IQCH: variants seen among roughly 807,000 people sequenced by gnomAD.
The protein encoded by IQCH is IQ motif containing H, also known as IQ domain-containing protein H.
Under a neutral mutation model 117.0 loss-of-function variants are expected in IQCH, and 98 were observed. That is an observed-to-expected ratio of 0.84 (90% CI 0.71 to 0.99). The LOEUF (loss-of-function observed/expected upper bound fraction) is 0.99. IQCH is among the 50% of genes least tolerant of loss of function. IQCH has a pLI of 0.00. For missense variants in IQCH, 1,102 were observed against 1,243.8 expected (o/e 0.89, Z 1.72); for synonymous variants, 412 against 448.2 (o/e 0.92, Z 1.02).
At chr15:67,440,099 A>G (rs929351433) in intron 16 of IQCH, among the ~76,000 whole-genome samples, 8 of 152,268 alleles carry the variant, frequency 5.3e-5, no homozygotes, top group Middle Eastern at 3.4e-3. Flanking sequence ...ACCTTTACAC[A>G]CATAAACTAG....
chr15:67,339,674 A>C (rs1322162441), intron 5 of IQCH, among the ~76,000 whole-genome samples: 1 of 152,184 alleles, frequency 6.6e-6, no homozygotes, highest in Non-Finnish European at 1.5e-5. Flanking sequence ...TTATTCTAAA[A>C]CTTAAAAAAA....
rs1222734548 is a variant in IQCH at position 67,372,430 on chromosome 15, T to C, written c.1073T>C (p.Leu358Pro). The C allele has an allele frequency of 6.2e-7, 1 of 1,614,052 alleles. No individual in the cohort carries two copies. The highest frequency in any genetic ancestry group is 1.3e-5 in the African/African-American group (1 of 75,020). ...DPAHVQMLIN[L>P]PGQRYKGQDG... ...GCTCATGTCCAAATGCTGATAAATC[T>C]TCCAGGGCAAAGGTACAAGGGCCAA... Residue 358 changes from leucine (L) to proline (P), a missense_variant, in exon 9 of 21, where the codon CTT becomes CCT. By Grantham distance (98) the Leu-to-Pro change is moderately conservative. Transcript: ENST00000335894.
chr15:67,440,746 C>T (rs1452369414), intron 16 of IQCH, among the ~76,000 whole-genome samples: 79 of 152,174 alleles, frequency 5.2e-4, no homozygotes, highest in Non-Finnish European at 2.1e-4. Context: ...TATGACAAAC[C>T]CACAGCCAAC....
chr15:67,273,388 C>A (rs181956033), intron 3 of IQCH, among the ~76,000 whole-genome samples: 27 of 152,124 alleles, frequency 1.8e-4, no homozygotes, highest in Non-Finnish European at 2.8e-4. Flanking sequence ...CATGCCCAGC[C>A]CATTGCTTTT....
rs191755965 is a variant in IQCH, at chr15:67,470,651, C to T, written c.2677-5045C>T. ...AAACAGTTCACACACTAAAAATATG[C>T]ATGAAATATACATCTTCAACTCTTG... On this transcript the variant is annotated intron_variant, in intron 17 of 20. Transcript: ENST00000335894. 1.4e-3 allele frequency among the ~76,000 whole-genome samples: 220 copies of T among 152,290 alleles called. 2 individuals are homozygous for T. The highest frequency in any genetic ancestry group is 4.9e-3 in the African/African-American group (205 of 41,564).
chr15:67,362,609 C>G (rs778418141), intron 8 of IQCH, among the ~76,000 whole-genome samples: 1 of 152,180 alleles, frequency 6.6e-6, no homozygotes, highest in Non-Finnish European at 1.5e-5. Context: ...TCATTTCCTT[C>G]TATCTGTATA....
intron 4 of IQCH, among the ~76,000 whole-genome samples, chr15:67,293,573 G>A (rs897390369): frequency 1.3e-5 from 2 of 151,436 alleles, no homozygotes; most frequent in Admixed American, 6.6e-5. Flanking sequence ...GTCTGTATAT[G>A]TTTGGTACAG....
chr15:67,485,858 C>T (rs992949310), intron 18 of IQCH, among the ~76,000 whole-genome samples: 56 of 151,710 alleles, frequency 3.7e-4, no homozygotes, highest in Admixed American at 3.4e-3. Flanking sequence ...GGGGTTTCAC[C>T]GTGTTGGTCA....
chr15:67,410,449 A>G (rs1461483381), intron 14 of IQCH, among the ~76,000 whole-genome samples: 1 of 152,224 alleles, frequency 6.6e-6, no homozygotes, highest in East Asian at 1.9e-4. Flanking sequence ...TAGCTCCTGC[A>G]GTTTGTCCCT....
rs1174477166 is a variant in IQCH, at chr15:67,411,057, G to A, written c.2098-5874G>A. Among the ~76,000 whole-genome samples the A allele has an allele frequency of 6.6e-6, 1 of 152,032 alleles. No individual in the cohort carries two copies. The highest frequency in any genetic ancestry group is 1.5e-5 in the Non-Finnish European group (1 of 68,020). ...CCCCTGCACATGCCTACCATATGGT[G>A]AGCTTTTAATTATTAAAAGCTTTTA... On this transcript the variant is annotated intron_variant, in intron 14 of 20. Transcript: ENST00000335894. This position sits in a 1 kb window ranked among gnomAD's most constrained non-coding sequence, Gnocchi z 4.4.
chr15:67,368,136 A>G (rs1420316983), intron 8 of IQCH, among the ~76,000 whole-genome samples: 1 of 152,198 alleles, frequency 6.6e-6, no homozygotes, highest in Non-Finnish European at 1.5e-5. Flanking sequence ...AAGAGTATGT[A>G]GCAGATATTG....
At chr15:67,348,120 C>T (rs1046797290) in intron 6 of IQCH, among the ~76,000 whole-genome samples, 13 of 152,018 alleles carry the variant, frequency 8.6e-5, no homozygotes, top group African/African-American at 2.4e-4. Flanking sequence ...CTTCCTCAAA[C>T]GGATAAAAGA....
In IQCH at chr15:67,365,646, G is replaced by C. The variant is rs968694593; in HGVS notation, c.753+5761G>C. On this transcript the variant is annotated intron_variant, in intron 8 of 20. Coordinates refer to ENST00000335894, the MANE Select transcript of IQCH (RefSeq NM_001031715.3). This position sits in a 1 kb window ranked among gnomAD's most constrained non-coding sequence, Gnocchi z 4.4. Reference sequence around the variant, plus strand: ...AAACCAGAATACATATGTAGGTATAGAAGCCACGCACGGTGGCTCACGCCT... The same window carrying C: ...AAACCAGAATACATATGTAGGTATACAAGCCACGCACGGTGGCTCACGCCT... Among the ~76,000 whole-genome samples, 1 of 152,092 alleles carries C rather than the reference G, an allele frequency of 6.6e-6. No individual in the cohort carries two copies. The highest frequency in any genetic ancestry group is 2.4e-5 in the African/African-American group (1 of 41,410).
In IQCH at chr15:67,496,214, G is replaced by C. The variant is rs900921978; in HGVS notation, c.2970+1848G>C. On this transcript the variant is annotated intron_variant, in intron 20 of 20. Coordinates refer to ENST00000335894, the MANE Select transcript of IQCH (RefSeq NM_001031715.3). This position sits in a 1 kb window ranked among gnomAD's most constrained non-coding sequence, Gnocchi z 4.4. ...TGCCTGTAGTCCCAGCTACTTGGGG[G>C]GCTGAGGTGGGAGAATCATTTGAGC... Among the ~76,000 whole-genome samples, 3 of 152,144 alleles carry C rather than the reference G, an allele frequency of 2.0e-5. No homozygotes were observed. The highest frequency in any genetic ancestry group is 7.2e-5 in the African/African-American group (3 of 41,418).
rs921672238 is a variant in IQCH, at chr15:67,496,458, C to T, written c.2970+2092C>T. 6.6e-5 allele frequency among the ~76,000 whole-genome samples: 10 copies of T among 152,180 alleles called. No individual in the cohort carries two copies. The highest frequency in any genetic ancestry group is 8.8e-5 in the Non-Finnish European group (6 of 68,028). ...AACATTGCAAGACCAAAAGCCTTCT[C>T]GCCAAGATTAGGAACAAGACAAGGG... On this transcript the variant is annotated intron_variant, in intron 20 of 20. Transcript: ENST00000335894. This position sits in a 1 kb window ranked among gnomAD's most constrained non-coding sequence, Gnocchi z 4.4.
chr15:67,395,229 A>C lies in IQCH; in HGVS notation c.1633-62A>C. The C allele has an allele frequency of 6.7e-7, 1 of 1,495,346 alleles. No homozygotes were observed. The highest frequency in any genetic ancestry group is 1.2e-5 in the South Asian group (1 of 81,324). 92.6% of individuals were successfully genotyped at this position (1,495,346 alleles called of 1,614,324 possible). On this transcript the variant is annotated intron_variant, in intron 12 of 20. Transcript: ENST00000335894. The surrounding 1 kb of genome is among the most constrained non-coding windows in gnomAD (Gnocchi z 4.0). ...GTATTTATTATGTGCAACATTATAA[A>C]TTAGGTGTATGGACTAGAAAAAAGG...
chr15:67,437,273 G>C (rs1045543297), intron 16 of IQCH, among the ~76,000 whole-genome samples: 3 of 152,192 alleles, frequency 2.0e-5, no homozygotes, highest in Non-Finnish European at 4.4e-5. Context: ...GAGCCAGGTA[G>C]ACTTGATGGG....
rs141779439 is a variant in IQCH at position 67,359,118 on chromosome 15, C to A, written c.715-729C>A. 1.3e-5 allele frequency among the ~76,000 whole-genome samples: 2 copies of A among 152,156 alleles called. No homozygotes were observed. The highest frequency in any genetic ancestry group is 4.8e-5 in the African/African-American group (2 of 41,430). On this transcript the variant is annotated intron_variant, in intron 7 of 20. Transcript: ENST00000335894. The surrounding 1 kb of genome is among the most constrained non-coding windows in gnomAD (Gnocchi z 4.5). ...GGCTAATATGCATAATAGGAACAGG[C>A]GGAGGCACCTGTTTTGATTCTCACC...
intron 4 of IQCH, among the ~76,000 whole-genome samples, chr15:67,279,908 C>T (rs546620367): frequency 6.9e-4 from 104 of 151,650 alleles, no homozygotes; most frequent in African/African-American, 2.3e-3. Flanking sequence ...TGGTGGTACT[C>T]GGGAGGCTGA....
Sources: gnomAD v4.1 joint callset for allele counts (sites outside exome capture counted in the v4.1 genomes callset) on GRCh38, gnomAD v4.1.1 for gene constraint, Gnocchi (gnomAD v3.1) non-coding constraint, MANE v1.5 for transcripts, NCBI Gene and HGNC (gene_info 2026-07-23, HGNC 2026-07-21) for gene names.